The following USP34 variants were observed in gnomAD, a reference collection of about 807,000 sequenced individuals.
USP34 encodes the protein ubiquitin specific peptidase 34.
USP34 carries 70 observed loss-of-function variants against 460.3 expected under a neutral mutation model. The observed-to-expected ratio is 0.15, with a 90% CI of 0.13 to 0.19. The LOEUF (loss-of-function observed/expected upper bound fraction) is 0.19, where lower values mean the gene tolerates loss of function less well. USP34 is among the 10% of genes least tolerant of loss of function. The pLI, the probability that USP34 is intolerant of heterozygous loss-of-function variation, is 1.00. For missense variants in USP34, 3,985 were observed against 4,236.2 expected, an observed-to-expected ratio of 0.94 and a Z score of 1.65; for synonymous variants, 1,647 against 1,405.3, an observed-to-expected ratio of 1.17 and a Z score of -3.85.
intron 57 of USP34, among the ~76,000 whole-genome samples, chr2:61,234,504 G>T (rs941036659): frequency 1.3e-5 from 2 of 152,016 alleles, no homozygotes; most frequent in African/African-American, 4.8e-5. Context: ...TTTTTTTGGC[G>T]GGGAGAGTGG....
chr2:61,198,725 CG>C (rs1362139902), intron 75 of USP34, among the ~76,000 whole-genome samples: 5 of 151,938 alleles, frequency 3.3e-5, no homozygotes, highest in Non-Finnish European at 7.4e-5. Flanking sequence ...AAAAATTAGC[CG>C]GGTGTGGTGG....
intron 16 of USP34, 80 bp downstream of exon 16, chr2:61,343,735 A>T: frequency 6.9e-7 from 1 of 1,439,908 alleles, no homozygotes; most frequent in Non-Finnish European, 9.6e-7. Context: ...AACCTTAACT[A>T]TTGAGTCCTT....
At chr2:61,454,469 G>A (rs974479930) in intron 1 of USP34, among the ~76,000 whole-genome samples, 2 of 151,922 alleles carry the variant, frequency 1.3e-5, no homozygotes, top group African/African-American at 4.8e-5. Flanking sequence ...TTTCCCAAAG[G>A]GAAAGCACTG....
Position 61,204,351 on chromosome 2 carries a change from C to G in USP34, c.9289G>C (p.Glu3097Gln), listed in dbSNP as rs771601437. The G allele has an allele frequency of 4.3e-6, 7 of 1,614,084 alleles. No individual in the cohort carries two copies. The East Asian group carries it at 1.6e-4, about 36-fold the overall frequency. The change falls in exon 74 of 80, where the codon GAA becomes CAA. Residue 3097 changes from glutamate (E) to glutamine (Q), a missense_variant. This residue lies in a region of USP34 where 275 missense variants were observed against 292.7 expected (regional missense o/e 0.94). Coordinates refer to ENST00000398571, the MANE Select transcript of USP34 (RefSeq NM_014709.4). ...MSLGPYFPCR[E>Q]NIKLIGGKSN... ...TTCCCTCCTATTAGCTTGATATTTTCTCGACAAGGGAAATAAGGTCCAAGA... is the reference window on the plus strand; with the variant it reads ...TTCCCTCCTATTAGCTTGATATTTTGTCGACAAGGGAAATAAGGTCCAAGA...
intron 1 of USP34, among the ~76,000 whole-genome samples, chr2:61,468,833 G>A (rs1695862054): frequency 6.6e-6 from 1 of 152,144 alleles, no homozygotes; most frequent in Non-Finnish European, 1.5e-5. Flanking sequence ...CTTTCATTAT[G>A]ATCAAGATGC....
In USP34 at chr2:61,190,289, T is replaced by G. The variant is rs780853551; in HGVS notation, c.9855A>C (p.Ala3285=). The change falls in exon 78 of 80, where the codon GCA becomes GCC. Residue 3285 remains alanine (A), a synonymous_variant. Transcript: ENST00000398571. ...DFSNRVEISK[A]SASLNGDLRA... ...TTCTTACCCCATTTAAAGAAGCACT[T>G]GCTTTGGAAATTTCAACTCGGTTGG... The G allele has an allele frequency of 7.4e-6, 12 of 1,612,478 alleles. No homozygotes were observed. The Admixed American group carries it at 1.0e-4, about 14-fold the overall frequency.
At chr2:61,211,048 G>A (rs1687260210) in intron 69 of USP34, among the ~76,000 whole-genome samples, 1 of 152,074 alleles carries the variant, frequency 6.6e-6, no homozygotes, top group Non-Finnish European at 1.5e-5. Flanking sequence ...CAAAGGCGTA[G>A]TTAATTTCCC....
intron 5 of USP34, among the ~76,000 whole-genome samples, chr2:61,387,164 T>C (rs916079843): frequency 1.3e-5 from 2 of 151,914 alleles, no homozygotes. Context: ...CATTAGTCGT[T>C]AGAAATATAT....
At chr2:61,239,627 G>A (rs935116291) in intron 53 of USP34, among the ~76,000 whole-genome samples, 6 of 152,064 alleles carry the variant, frequency 3.9e-5, no homozygotes, top group African/African-American at 1.2e-4. Context: ...CATTTATAAT[G>A]AATACCATCT....
chr2:61,361,485 A>G (rs1480745690), intron 10 of USP34, among the ~76,000 whole-genome samples: 1 of 152,196 alleles, frequency 6.6e-6, no homozygotes, highest in Non-Finnish European at 1.5e-5. Context: ...TAGAACAAAT[A>G]AAAACCCCAG....
In USP34 at chr2:61,203,774, T is replaced by G. The variant is rs572970296; in HGVS notation, c.9384+482A>C. ...TAAATTATCCTGTATCAATGTACCT[T>G]GTCTCTATAATTTAGAATTGGCATT... On this transcript the variant is annotated intron_variant, in intron 74 of 79. Transcript: ENST00000398571. 4.6e-5 allele frequency among the ~76,000 whole-genome samples: 7 copies of G among 152,224 alleles called. No homozygotes were observed. In the East Asian group the frequency reaches 1.2e-3, roughly 25 times the overall value.
At chr2:61,446,983 G>T (rs1695138205) in intron 1 of USP34, among the ~76,000 whole-genome samples, 1 of 151,992 alleles carries the variant, frequency 6.6e-6, no homozygotes, top group Non-Finnish European at 1.5e-5. Context: ...GGCCGGGCGT[G>T]GTGGCTCATG....
intron 2 of USP34, among the ~76,000 whole-genome samples, chr2:61,412,568 C>T (rs1475379366): frequency 6.6e-6 from 1 of 151,736 alleles, no homozygotes; most frequent in Non-Finnish European, 1.5e-5. Flanking sequence ...AATGAAATCT[C>T]CCACAAAATA....
intron 34 of USP34, among the ~76,000 whole-genome samples, chr2:61,286,223 T>G (rs1689684978): frequency 1.3e-5 from 2 of 152,200 alleles, no homozygotes; most frequent in Non-Finnish European, 2.9e-5. Context: ...ATATCAACAT[T>G]AGATGACTCT....
At chr2:61,278,892 A>G (rs1271754224) in intron 39 of USP34, among the ~76,000 whole-genome samples, 3 of 152,208 alleles carry the variant, frequency 2.0e-5, no homozygotes, top group African/African-American at 7.2e-5. Flanking sequence ...ATACCTTTAA[A>G]TTAGACTTTT....
chr2:61,230,548 A>T (rs1236264385), intron 58 of USP34, among the ~76,000 whole-genome samples: 1 of 151,946 alleles, frequency 6.6e-6, no homozygotes, highest in Non-Finnish European at 1.5e-5. Context: ...CCAACCAACC[A>T]AACAAAAAAC....
At chr2:61,259,384 C>T (rs1195757133) in intron 44 of USP34, among the ~76,000 whole-genome samples, 1 of 151,736 alleles carries the variant, frequency 6.6e-6, no homozygotes, top group Non-Finnish European at 1.5e-5. Flanking sequence ...AATTTGTTTC[C>T]CTCCATGTTT....
chr2:61,456,529 C>T (rs1695445667), intron 1 of USP34, among the ~76,000 whole-genome samples: 1 of 152,076 alleles, frequency 6.6e-6, no homozygotes, highest in African/African-American at 2.4e-5. Context: ...AAAAATGGTG[C>T]AGTAGTGCTG....
intron 33 of USP34, among the ~76,000 whole-genome samples, chr2:61,290,245 T>C (rs754726245): frequency 3.3e-5 from 5 of 152,158 alleles, no homozygotes; most frequent in Non-Finnish European, 5.9e-5. Flanking sequence ...TTCTCGTATG[T>C]TGCATAGTAT....
Sources: gnomAD v4.1 joint callset for allele counts (sites outside exome capture counted in the v4.1 genomes callset) on GRCh38, gnomAD v4.1.1 for gene constraint, gnomAD v4.1.1 regional missense constraint, MANE v1.5 for transcripts, NCBI Gene and HGNC (gene_info 2026-07-23, HGNC 2026-07-21) for gene names.